ASAP2: variants seen among roughly 807,000 people sequenced by gnomAD.
ASAP2 encodes ArfGAP with SH3 domain, ankyrin repeat and PH domain 2, also known as arf-GAP with SH3 domain, ANK repeat and PH domain-containing protein 2.
Under a neutral mutation model 131.4 loss-of-function variants are expected in ASAP2, and 45 were observed. The ratio of observed to expected loss-of-function variants is 0.34; its 90% CI spans 0.27 to 0.44. The LOEUF is 0.44. Among genes scored for constraint, ASAP2 ranks in the 20% least tolerant of loss-of-function variants. ASAP2 has a pLI of 1.00. For synonymous variants in ASAP2, 510 were observed against 503.0 expected, an observed-to-expected ratio of 1.01 and a Z score of -0.19; for missense variants, 1,011 against 1,297.0, an observed-to-expected ratio of 0.78 and a Z score of 3.39.
chr2:9,377,212 C>T (rs567526083), intron 18 of ASAP2, among the ~76,000 whole-genome samples: 1 of 152,298 alleles, frequency 6.6e-6, no homozygotes, highest in Non-Finnish European at 1.5e-5. Flanking sequence ...CAGGGTCCAA[C>T]TTCTAGTGTC....
rs1177064910 is a variant in ASAP2, at chr2:9,301,820, C to CTTTTTTTTTTTTTTTTTTTTT, written c.345+4376_345+4396dup. On this transcript the variant is annotated intron_variant, in intron 3 of 27. Transcript: ENST00000281419. The stretch of plus-strand genomic sequence containing the variant: ...ACCAAGCAACGTGTGTATCCATCAT[C>CTTTTTTTTTTTTTTTTTTTTT]TTTTTTTTTTTTTTTTTTTTTGAGA... 1.2e-4 allele frequency among the ~76,000 whole-genome samples: 14 copies of CTTTTTTTTTTTTTTTTTTTTT among 115,394 alleles called. 1 individual carries two copies. Among genetic ancestry groups the CTTTTTTTTTTTTTTTTTTTTT allele is most frequent in the African/African-American group, 4.6e-4 (13 of 28,404 alleles). The allele number at this position is 115,394 out of a possible 152,430, so 75.7% of individuals were successfully genotyped here. A position where few individuals can be genotyped will look rare whatever the true frequency, so the allele number is the denominator to read the frequency against.
intron 15 of ASAP2, among the ~76,000 whole-genome samples, chr2:9,363,081 A>C (rs542340184): frequency 2.0e-5 from 3 of 152,328 alleles, no homozygotes; most frequent in African/African-American, 7.2e-5. Context: ...TATTTCACTT[A>C]GTATAATGTC....
chr2:9,309,587 T>C (rs1201468490), intron 3 of ASAP2, among the ~76,000 whole-genome samples: 1 of 152,216 alleles, frequency 6.6e-6, no homozygotes, highest in East Asian at 1.9e-4. Flanking sequence ...GGAATATCCA[T>C]GTGTCATAGC....
At position 9,391,328 on chromosome 2, in the gene ASAP2, G is replaced by A. The variant is rs114026753; in HGVS notation, c.2518+132G>A. On this transcript the variant is annotated intron_variant, in intron 23 of 27. Transcript: ENST00000281419. ...GCCCCGTGTTGTATGGCTCCCTGTG[G>A]CTCTTGTGCAGGGCTCTCAGCTCCC... 1.1e-4 allele frequency: 146 copies of A among 1,315,906 alleles called. No homozygotes were observed. The African/African-American group carries it at 1.9e-3, about 17-fold the overall frequency. The allele number at this position is 1,315,906 out of a possible 1,614,324, so 81.5% of individuals were successfully genotyped here. A position where few individuals can be genotyped will look rare whatever the true frequency, so the allele number is the denominator to read the frequency against.
chr2:9,353,032 A>T (rs1215864620), intron 12 of ASAP2, among the ~76,000 whole-genome samples: 3 of 152,180 alleles, frequency 2.0e-5, no homozygotes, highest in African/African-American at 4.8e-5. Context: ...GTGCAGGGGT[A>T]TGTGGGTTTG....
chr2:9,318,465 C>T, intron 3 of ASAP2, 59 bp from the exon 4 acceptor site: 4 of 1,289,072 alleles, frequency 3.1e-6, no homozygotes, highest in Middle Eastern at 1.9e-4. Context: ...TCCTTGCTGT[C>T]CTTACTTTAG....
intron 12 of ASAP2, among the ~76,000 whole-genome samples, chr2:9,354,264 G>A (rs1672540733): frequency 6.6e-6 from 1 of 152,228 alleles, no homozygotes; most frequent in Non-Finnish European, 1.5e-5. Context: ...AGTAGAGCCA[G>A]AGCCCTGGCC....
At chr2:9,343,411 ACT>A (rs1267569117) in intron 9 of ASAP2, among the ~76,000 whole-genome samples, 1 of 143,500 alleles carries the variant, frequency 7.0e-6, no homozygotes, top group Non-Finnish European at 1.5e-5. Flanking sequence ...GTGGCCTCCT[ACT>A]CTCAACTCAG....
intron 3 of ASAP2, among the ~76,000 whole-genome samples, chr2:9,316,189 G>A (rs13418854): frequency 0.28 from 42,065 of 151,766 alleles, 6,395 homozygotes; most frequent in Non-Finnish European, 0.36. Context: ...AAGCATGTTG[G>A]CCCGTGCCTA....
At chr2:9,391,251 C>CG (rs1675699414) in intron 23 of ASAP2, 55 bp downstream of exon 23, 3 of 1,565,344 alleles carry the variant, frequency 1.9e-6, no homozygotes, top group East Asian at 2.2e-5. Flanking sequence ...ATCTGGATGG[C>CG]GGGGGGTGCT....
At chr2:9,314,966 T>A in intron 3 of ASAP2, among the ~76,000 whole-genome samples, 1 of 149,134 alleles carries the variant, frequency 6.7e-6, no homozygotes. Context: ...TATTGGAGGA[T>A]CTGGGGGAGG....
intron 3 of ASAP2, among the ~76,000 whole-genome samples, chr2:9,305,458 T>TGTAGTAGTGGGGTATAGATATTGGTGG (rs1668831349): frequency 3.8e-3 from 58 of 15,378 alleles, no homozygotes; most frequent in African/African-American, 6.0e-3. Flanking sequence ...GATATTGGTG[T>TGTAGTAGTGGGGTATAGATATTGGTGG]AGAGGCTGTA....
At chr2:9,395,959 C>T (rs2148813443) in intron 24 of ASAP2, among the ~76,000 whole-genome samples, 1 of 151,994 alleles carries the variant, frequency 6.6e-6, no homozygotes, top group South Asian at 2.1e-4. Flanking sequence ...TTTACTTAGT[C>T]CCTCTGTTTT....
At chr2:9,248,933 A>G (rs1664522442) in intron 1 of ASAP2, among the ~76,000 whole-genome samples, 1 of 152,212 alleles carries the variant, frequency 6.6e-6, no homozygotes, top group Non-Finnish European at 1.5e-5. Flanking sequence ...CCCCAAATCC[A>G]GAAGGAGGTA....
chr2:9,289,401 G>A (rs1286339009), intron 2 of ASAP2, among the ~76,000 whole-genome samples: 1 of 152,156 alleles, frequency 6.6e-6, no homozygotes, highest in East Asian at 1.9e-4. Context: ...GCTTGCTGGA[G>A]AATAGACTTT....
intron 1 of ASAP2, among the ~76,000 whole-genome samples, chr2:9,216,270 A>G (rs1319753631): frequency 6.7e-6 from 1 of 149,950 alleles, no homozygotes; most frequent in Non-Finnish European, 1.5e-5. Flanking sequence ...GGTGAAGTCA[A>G]TGTCAGTTCA....
chr2:9,289,994 A>G (rs1220450632), intron 2 of ASAP2, among the ~76,000 whole-genome samples: 1 of 143,062 alleles, frequency 7.0e-6, no homozygotes, highest in Admixed American at 6.9e-5. Flanking sequence ...GAAGCCGGTG[A>G]GAGGCATCCT....
At chr2:9,215,812 G>A (rs367878784) in intron 1 of ASAP2, among the ~76,000 whole-genome samples, 172 of 152,230 alleles carry the variant, frequency 1.1e-3, no homozygotes, top group African/African-American at 4.1e-3. Flanking sequence ...GCCAGTGTTA[G>A]AATTATGAGG....
At chr2:9,378,273 A>G (rs996299773) in intron 18 of ASAP2, among the ~76,000 whole-genome samples, 3 of 152,096 alleles carry the variant, frequency 2.0e-5, no homozygotes. Flanking sequence ...CATGTTTGCT[A>G]GGATTGAGGG....
Sources: allele counts gnomAD v4.1 joint callset (sites outside exome capture counted in the v4.1 genomes callset), GRCh38; gene constraint gnomAD v4.1.1; transcripts MANE v1.5; gene names NCBI Gene and HGNC (gene_info 2026-07-23, HGNC 2026-07-21).